Variants in PCDH15 observed in about 807,000 individuals in gnomAD.
The protein encoded by PCDH15 is protocadherin related 15.
Under a neutral mutation model 178.5 loss-of-function variants are expected in PCDH15, and 129 were observed. The ratio of observed to expected loss-of-function variants is 0.72; its 90% confidence interval spans 0.63 to 0.84. The LOEUF is 0.84. PCDH15 is among the 40% of genes least tolerant of loss of function. PCDH15 has a pLI of 0.00. For missense variants in PCDH15, 2,230 were observed against 2,099.9 expected (o/e 1.06, Z -1.21); for synonymous variants, 800 against 732.0 (o/e 1.09, Z -1.50).
At chr10:55,376,903 A>C (rs950716548) in intron 2 of PCDH15, among the ~76,000 whole-genome samples, 1 of 152,066 alleles carries the variant, frequency 6.6e-6, no homozygotes, top group East Asian at 1.9e-4. Flanking sequence ...TGTAAATAGA[A>C]TAGTCTAGGC....
intron 27 of PCDH15, among the ~76,000 whole-genome samples, chr10:53,865,998 A>T (rs921791512): frequency 6.6e-6 from 1 of 152,172 alleles, no homozygotes; most frequent in African/African-American, 2.4e-5. Context: ...AATATTTTCA[A>T]TACAAGCTAA....
At chr10:55,583,634 A>G (rs1291013305) in intron 2 of PCDH15, among the ~76,000 whole-genome samples, 1 of 151,922 alleles carries the variant, frequency 6.6e-6, no homozygotes, top group East Asian at 1.9e-4. Flanking sequence ...GAGTTTTGCC[A>G]TGTTGCCCAG....
intron 8 of PCDH15, among the ~76,000 whole-genome samples, chr10:54,288,519 T>C (rs1482683301): frequency 6.6e-6 from 1 of 152,086 alleles, no homozygotes; most frequent in African/African-American, 2.4e-5. Flanking sequence ...GGTTGAATAG[T>C]GGGTGCAGCC....
At chr10:55,103,813 C>T (rs775376938) in intron 2 of PCDH15, among the ~76,000 whole-genome samples, 92 of 152,012 alleles carry the variant, frequency 6.1e-4, no homozygotes, top group Non-Finnish European at 9.6e-4. Flanking sequence ...TGGGTTTTAA[C>T]TCATGGGGTT....
chr10:55,276,486 T>G (rs1458513142), intron 1 of PCDH15, among the ~76,000 whole-genome samples: 1 of 151,492 alleles, frequency 6.6e-6, no homozygotes, highest in Non-Finnish European at 1.5e-5. Context: ...TATTATATTT[T>G]ATTCTCCCTT....
chr10:54,356,575 G>A (rs1205641476), intron 5 of PCDH15, among the ~76,000 whole-genome samples: 2 of 151,254 alleles, frequency 1.3e-5, no homozygotes, highest in African/African-American at 4.9e-5. Context: ...AATATATGCT[G>A]TATATTTATC....
intron 25 of PCDH15, among the ~76,000 whole-genome samples, chr10:53,933,688 C>T (rs2085299402): frequency 6.6e-6 from 1 of 152,214 alleles, no homozygotes; most frequent in Admixed American, 6.5e-5. Context: ...GGTATATACC[C>T]AGTAATGGGA....
At chr10:54,883,384 T>A (rs1006174590) in intron 3 of PCDH15, among the ~76,000 whole-genome samples, 11 of 152,004 alleles carry the variant, frequency 7.2e-5, no homozygotes, top group African/African-American at 2.2e-4. Flanking sequence ...TTTTACTGGA[T>A]CCTTTGAATG....
chr10:54,329,714 T>A lies in PCDH15; in HGVS notation c.595-8A>T. 3 of 1,478,314 alleles carry A rather than the reference T, an allele frequency of 2.0e-6. No individual in the cohort carries two copies. Among genetic ancestry groups the A allele is most frequent in the Middle Eastern group, 1.7e-4 (1 of 5,806 alleles). The allele number at this position is 1,478,314 out of a possible 1,614,324, so 91.6% of individuals were successfully genotyped here. ...AAAGGTGTCATTGGATGTCTGCAAATATTAAAGATACAGACTTCAGATTAT... is the reference window on the plus strand; with the variant it reads ...AAAGGTGTCATTGGATGTCTGCAAAAATTAAAGATACAGACTTCAGATTAT... On this transcript the variant is annotated splice_polypyrimidine_tract_variant and splice_region_variant and intron_variant, in intron 6 of 37. Coordinates refer to ENST00000644397, the MANE Select transcript of PCDH15 (RefSeq NM_001384140.1).
At chr10:54,700,294 G>A (rs1018288886) in intron 1 of PCDH15, among the ~76,000 whole-genome samples, 5 of 152,074 alleles carry the variant, frequency 3.3e-5, no homozygotes, top group African/African-American at 4.8e-5. Context: ...AACTCTGGAC[G>A]CTAAAAAATC....
At chr10:54,037,688 A>G (rs964408985) in intron 18 of PCDH15, among the ~76,000 whole-genome samples, 1 of 151,932 alleles carries the variant, frequency 6.6e-6, no homozygotes, top group Non-Finnish European at 1.5e-5. Flanking sequence ...TCTGGAAGAG[A>G]ACTCTCAATA....
In PCDH15 at chr10:54,240,624, TGC is replaced by T. The variant is rs374518539; in HGVS notation, c.877-3695_877-3694del. The stretch of plus-strand genomic sequence containing the variant: ...CTAAATTCTGTTATTTATTTTCTTT[TGC>T]TTTTTTTTTTTTTTTTTTTTTTTGA... On this transcript the variant is annotated intron_variant, in intron 8 of 37. Transcript: ENST00000644397. Among the ~76,000 whole-genome samples, 88 of 126,604 alleles carry T rather than the reference TGC, an allele frequency of 7.0e-4. 1 individual carries two copies. The highest frequency in any genetic ancestry group is 2.4e-3 in the African/African-American group (81 of 33,224). 83.1% of individuals were successfully genotyped at this position (126,604 alleles called of 152,430 possible).
At chr10:55,107,515 G>A (rs1837384532) in intron 2 of PCDH15, among the ~76,000 whole-genome samples, 2 of 116,658 alleles carry the variant, frequency 1.7e-5, no homozygotes, top group Non-Finnish European at 3.4e-5. Flanking sequence ...TTTTTGAGAT[G>A]GAGCCTCGCC....
chr10:53,866,761 A>G lies in PCDH15; in HGVS notation c.3598T>C (p.Tyr1200His). 6.2e-7 allele frequency: 1 copy of G among 1,613,184 alleles called. No individual in the cohort carries two copies. The highest frequency in any genetic ancestry group is 8.5e-7 in the Non-Finnish European group (1 of 1,179,292). The change falls in exon 27 of 38, where the codon TAT becomes CAT. Residue 1200 changes from tyrosine to histidine, a missense_variant. By Grantham distance (83) the Tyr-to-His change is moderately conservative. Coordinates refer to ENST00000644397, the MANE Select transcript of PCDH15 (RefSeq NM_001384140.1). ...EGKEGFVVET[Y>H]TGLIKTAMLF... ...ATAGCAGTTTTGATAAGCCCTGTAT[A>G]TGTTTCCACTACAAATCCTTCTTTT...
At chr10:54,754,916 GTTTTTCACACT>G (rs1946844345) in intron 1 of PCDH15, among the ~76,000 whole-genome samples, 1 of 56,782 alleles carries the variant, frequency 1.8e-5, no homozygotes, top group African/African-American at 6.3e-5. Context: ...TATTTGCCAT[GTTTTTCACACT>G]TAGAGTTTTT....
chr10:54,932,708 T>G (rs1837811143), intron 2 of PCDH15, among the ~76,000 whole-genome samples: 1 of 152,072 alleles, frequency 6.6e-6, no homozygotes, highest in Non-Finnish European at 1.5e-5. Flanking sequence ...AGCTAATTTT[T>G]GCATTTTTAG....
intron 2 of PCDH15, among the ~76,000 whole-genome samples, chr10:54,655,248 AAGAAAGAAAGAGAGAGAGAGAG>A (rs1312173125): frequency 1.4e-4 from 9 of 65,668 alleles, no homozygotes; most frequent in African/African-American, 5.4e-4. Flanking sequence ...GAAAGAAAGA[AAGAAAGAAAGAGAGAGAGAGAG>A]AGAGAGAGAG....
At chr10:55,036,805 T>C (rs1210504271) in intron 2 of PCDH15, among the ~76,000 whole-genome samples, 1 of 152,222 alleles carries the variant, frequency 6.6e-6, no homozygotes, top group Non-Finnish European at 1.5e-5. Flanking sequence ...AAGCATATTG[T>C]TAATGAATTT....
At chr10:53,908,735 T>C (rs1172253967) in intron 25 of PCDH15, among the ~76,000 whole-genome samples, 4 of 152,244 alleles carry the variant, frequency 2.6e-5, no homozygotes, top group Admixed American at 6.5e-5. Context: ...ACTGTGCTTT[T>C]CTTATTGTTA....
Sources: gnomAD v4.1 joint callset for allele counts (sites outside exome capture counted in the v4.1 genomes callset) on GRCh38, gnomAD v4.1.1 for gene constraint, MANE v1.5 for transcripts, NCBI Gene and HGNC (gene_info 2026-07-23, HGNC 2026-07-21) for gene names.